YARS1: variants seen among roughly 807,000 people sequenced by gnomAD.
YARS1 encodes the protein tyrosyl-tRNA synthetase 1.
In YARS1, 36 loss-of-function variants were observed where a neutral mutation model predicts 62.2. The observed-to-expected ratio is 0.58, with a 90% CI of 0.44 to 0.76. YARS1 has a LOEUF of 0.76. YARS1 is among the 30% of genes least tolerant of loss of function. The pLI is 0.00. For synonymous variants in YARS1, 234 were observed against 244.9 expected, an observed-to-expected ratio of 0.96 and a Z score of 0.42; for missense variants, 524 against 639.8, an observed-to-expected ratio of 0.82 and a Z score of 1.95.
At position 32,799,215 on chromosome 1, in the gene YARS1, C is replaced by T. The variant is rs1275789858; in HGVS notation, c.511-1372G>A. 3.9e-5 allele frequency among the ~76,000 whole-genome samples: 6 copies of T among 152,142 alleles called. No individual in the cohort carries two copies. In the East Asian group the frequency reaches 1.2e-3, roughly 29 times the overall value. On this transcript the variant is annotated intron_variant, in intron 4 of 12. Transcript: ENST00000373477. ...GTGTTTAGGGAAATTTTGAGTGATT[C>T]AGTCTGCAAAAGTACGAACTTCAAG...
intron 8 of YARS1, chr1:32,782,831 C>A (rs939242670): frequency 2.5e-5 from 10 of 404,266 alleles, no homozygotes; most frequent in Admixed American, 3.8e-5. Context: ...GGGTCACAGA[C>A]CAACTGGTAT....
At chr1:32,816,107 T>C (rs1454603293) in intron 1 of YARS1, among the ~76,000 whole-genome samples, 5 of 62,036 alleles carry the variant, frequency 8.1e-5, no homozygotes, top group Non-Finnish European at 1.5e-4. Context: ...AGACTCCGCC[T>C]CAAAAAAAAA....
At chr1:32,786,587 A>G in intron 7 of YARS1, 140 bp from the exon 8 acceptor site, 1 of 887,176 alleles carries the variant, frequency 1.1e-6, no homozygotes, top group African/African-American at 1.7e-5. Context: ...ATTATTCTTA[A>G]ATTGGATGAG....
In YARS1 at chr1:32,780,325, G is replaced by A. The variant is rs781159171; in HGVS notation, c.1141-47C>T. The A allele has an allele frequency of 2.2e-5, 35 of 1,609,226 alleles. 1 individual carries two copies. In the South Asian group the frequency reaches 3.8e-4, roughly 18 times the overall value. On this transcript the variant is annotated intron_variant, in intron 10 of 12. Coordinates refer to ENST00000373477, the MANE Select transcript of YARS1 (RefSeq NM_003680.4). ...AGGAAGAGGATCATCGTCCATTAGA[G>A]AAGCAGCCTGGTGAACTCTTGGATT... is the stretch of plus-strand genomic sequence containing the variant.
chr1:32,792,838 CCACTG>C (rs1653456847), intron 5 of YARS1, among the ~76,000 whole-genome samples: 1 of 151,260 alleles, frequency 6.6e-6, no homozygotes, highest in South Asian at 2.1e-4. Flanking sequence ...TGAGATTGCG[CCACTG>C]CACTCTAGCC....
chr1:32,788,757 G>C (rs1337375283), intron 6 of YARS1, among the ~76,000 whole-genome samples: 2 of 151,872 alleles, frequency 1.3e-5, no homozygotes, highest in African/African-American at 4.8e-5. Flanking sequence ...TGTTAAAATG[G>C]GGTCTCACTG....
At chr1:32,811,895 C>G (rs537595933) in intron 1 of YARS1, among the ~76,000 whole-genome samples, 1 of 152,304 alleles carries the variant, frequency 6.6e-6, no homozygotes, top group Admixed American at 6.5e-5. Context: ...TTAAGCCCCC[C>G]AACTGTCGGA....
chr1:32,791,181 T>C lies in YARS1; in HGVS notation c.665A>G (p.Lys222Arg). Residue 222 changes from lysine (K) to arginine (R), a missense_variant, in exon 6 of 13, where the codon AAA (lysine) becomes AGA (arginine). Lys to Arg is a conservative substitution (Grantham distance 26). Transcript: ENST00000373477. ...NPMVPGLTGS[K>R]MSSSEEESKI... The stretch of plus-strand genomic sequence containing the variant: ...ACTTACCTCTTCTGAAGAGCTCATT[T>C]TGCTGCCTGTTAATCCTGGAACCAT... 2 of 1,614,132 alleles carry C rather than the reference T, an allele frequency of 1.2e-6. No homozygotes were observed. Among genetic ancestry groups the C allele is most frequent in the Non-Finnish European group, 1.7e-6 (2 of 1,179,986 alleles).
intron 9 of YARS1, chr1:32,782,109 T>C: frequency 2.3e-6 from 1 of 432,416 alleles, no homozygotes; most frequent in Non-Finnish European, 4.3e-6. Context: ...CTGGCCCCGG[T>C]CACTATCTTT....
intron 8 of YARS1, among the ~76,000 whole-genome samples, chr1:32,786,077 A>C (rs1455735204): frequency 1.3e-5 from 2 of 152,168 alleles, no homozygotes; most frequent in African/African-American, 4.8e-5. Context: ...TTTCCTGAGA[A>C]GAGGTGAGAC....
At chr1:32,786,775 A>T in intron 7 of YARS1, 165 bp downstream of exon 7, 2 of 1,023,848 alleles carry the variant, frequency 2.0e-6, no homozygotes, top group Non-Finnish European at 1.4e-6. Flanking sequence ...ATGGACAATT[A>T]AATTACATCC....
intron 5 of YARS1, among the ~76,000 whole-genome samples, chr1:32,793,329 C>T (rs2148607553): frequency 6.6e-6 from 1 of 152,242 alleles, no homozygotes; most frequent in South Asian, 2.1e-4. Flanking sequence ...AGGATAAATA[C>T]AAAGAAAACT....
rs578031071 is a variant in YARS1 at position 32,816,560 on chromosome 1, T to C, written c.57+628A>G. Among the ~76,000 whole-genome samples the C allele has an allele frequency of 5.3e-5, 8 of 152,258 alleles. No individual in the cohort carries two copies. The South Asian group carries it at 6.2e-4, about 12-fold the overall frequency. On this transcript the variant is annotated intron_variant, in intron 1 of 12. Transcript: ENST00000373477. ...AATATTTAAGTGCTTCCTCATAACT[T>C]TGCTCACTCCACTCCAGCTAAATTT...
chr1:32,781,560 A>G (rs973156969), intron 9 of YARS1: 36 of 165,486 alleles, frequency 2.2e-4, no homozygotes, highest in Non-Finnish European at 4.2e-4. Flanking sequence ...CTCTTTTAGA[A>G]AAAAAAAAAA....
intron 1 of YARS1, among the ~76,000 whole-genome samples, chr1:32,814,953 A>T (rs1557469586): frequency 6.6e-6 from 1 of 152,110 alleles, no homozygotes. Flanking sequence ...CTGTGCTCCA[A>T]GTCTTTTGGC....
chr1:32,806,517 G>A lies in YARS1; in HGVS notation c.475C>T (p.Pro159Ser), dbSNP rs769023272. 2 of 1,614,138 alleles carry A rather than the reference G, an allele frequency of 1.2e-6. No individual in the cohort carries two copies. Among genetic ancestry groups the A allele is most frequent in the Non-Finnish European group, 1.7e-6 (2 of 1,180,034 alleles). The change falls in exon 4 of 13, where the codon CCT becomes TCT. Residue 159 changes from proline to serine, a missense_variant. Pro to Ser is a moderately conservative substitution (Grantham distance 74, BLOSUM62 -1). Coordinates refer to ENST00000373477, the MANE Select transcript of YARS1 (RefSeq NM_003680.4). ...GAEVVKQVEH[P>S]LLSGLLYPGL... ...GGGTATAAGAGGCCACTCAGCAAAG[G>A]GTGCTCCACCTGCTTTACCACCTCA...
chr1:32,779,684 A>C, intron 11 of YARS1, 161 bp from the exon 12 acceptor site: 1 of 882,430 alleles, frequency 1.1e-6, no homozygotes, highest in East Asian at 2.6e-5. Flanking sequence ...ACATCCCTGC[A>C]TATCACCAGG....
At chr1:32,781,435 T>C (rs139672716) in intron 9 of YARS1, 2 of 420,190 alleles carry the variant, frequency 4.8e-6, no homozygotes, top group Admixed American at 3.6e-5. Flanking sequence ...TTACTGAGTC[T>C]TGGCCAGGTG....
At position 32,810,185 on chromosome 1, in the gene YARS1, C is replaced by T. The variant is rs2148616346; in HGVS notation, c.380+406G>A. Among the ~76,000 whole-genome samples, 4 of 151,200 alleles carry T rather than the reference C, an allele frequency of 2.6e-5. No homozygotes were observed. In the Middle Eastern group the frequency reaches 0.014, roughly 532 times the overall value. ...ACATTCCAAATATGAACAAAACTCA[C>T]AAAGATAAAAAGCAATAACAATTGT... On this transcript the variant is annotated intron_variant, in intron 3 of 12. Transcript: ENST00000373477.
Sources: allele counts gnomAD v4.1 joint callset (sites outside exome capture counted in the v4.1 genomes callset), GRCh38; gene constraint gnomAD v4.1.1; transcripts MANE v1.5; gene names NCBI Gene and HGNC (gene_info 2026-07-23, HGNC 2026-07-21).